Variants in ACTMAP observed in about 807,000 individuals in gnomAD.
ACTMAP encodes actin maturation protease, also known as UPF0692 protein C19orf54.
At chr19:40,748,671 G>A in the ACTMAP span, among the ~76,000 whole-genome samples, 2 of 152,222 alleles carry the variant, frequency 1.3e-5, no homozygotes, top group Admixed American at 1.3e-4. Context: ...TGCGTGGGCT[G>A]GCTCTGCCGC....
chr19:40,745,329 C>G, the ACTMAP span: 1 of 865,994 alleles, frequency 1.2e-6, no homozygotes, highest in Non-Finnish European at 1.8e-6. Context: ...AGGCTGAAGG[C>G]GGCTCCTGGT....
At chr19:40,742,818 AG>A in the ACTMAP span, 1 of 1,526,020 alleles carries the variant, frequency 6.6e-7, no homozygotes. Context: ...AGCCAGGACC[AG>A]GTGCTGGGGC....
the ACTMAP span, chr19:40,743,966 C>T: frequency 6.2e-7 from 1 of 1,614,046 alleles, no homozygotes; most frequent in Non-Finnish European, 8.5e-7. Flanking sequence ...GGTTGAAGTC[C>T]TCGTCGTAGC....
chr19:40,742,501 C>T, the ACTMAP span: 73 of 1,517,288 alleles, frequency 4.8e-5, no homozygotes, highest in African/African-American at 3.7e-4. Context: ...ACCCCACCCA[C>T]GGGCACCACG....
At chr19:40,749,639 C>T in the ACTMAP span, 5 of 1,547,740 alleles carry the variant, frequency 3.2e-6, no homozygotes, top group Admixed American at 2.0e-5. Context: ...GCAGTGGGAG[C>T]GGTGGGGGAA....
chr19:40,744,730 T>C, the ACTMAP span: 1 of 1,553,524 alleles, frequency 6.4e-7, no homozygotes, highest in Non-Finnish European at 8.7e-7. Context: ...CACAGCCCCC[T>C]TACCTGGAAG....
At chr19:40,745,228 G>A in the ACTMAP span, 6 of 1,551,254 alleles carry the variant, frequency 3.9e-6, no homozygotes, top group Non-Finnish European at 5.2e-6. Context: ...AGTCACCAGG[G>A]AGCCAGCTCT....
chr19:40,749,749 G>T, the ACTMAP span: 5 of 1,489,158 alleles, frequency 3.4e-6, no homozygotes, highest in Non-Finnish European at 4.5e-6. Context: ...TGGGGTACAG[G>T]GGTTTTTGGA....
the ACTMAP span, among the ~76,000 whole-genome samples, chr19:40,745,896 T>G: frequency 6.6e-6 from 1 of 152,218 alleles, no homozygotes; most frequent in Non-Finnish European, 1.5e-5. Flanking sequence ...GGTCTCGAAT[T>G]CCTGACCTCA....
chr19:40,743,855 G>C, the ACTMAP span: 11 of 1,596,488 alleles, frequency 6.9e-6, no homozygotes, highest in Admixed American at 1.7e-5. Flanking sequence ...GATTAATGGA[G>C]GCCGGGGAGA....
chr19:40,745,840 T>C, the ACTMAP span, among the ~76,000 whole-genome samples: 1 of 150,894 alleles, frequency 6.6e-6, no homozygotes. Context: ...GCCCAGCTAA[T>C]TTTGTATTTT....
chr19:40,742,705 G>A, the ACTMAP span: 1 of 1,612,714 alleles, frequency 6.2e-7, no homozygotes, highest in African/African-American at 1.3e-5. Context: ...GGGTGGAACA[G>A]GCCCGGCAGC....
chr19:40,745,663 CT>C, the ACTMAP span, among the ~76,000 whole-genome samples: 1 of 152,060 alleles, frequency 6.6e-6, no homozygotes, highest in Admixed American at 6.6e-5. Flanking sequence ...CCATGTCCAG[CT>C]AGTTCTTTTT....
At chr19:40,743,032 G>A in the ACTMAP span, among the ~76,000 whole-genome samples, 5 of 152,216 alleles carry the variant, frequency 3.3e-5, no homozygotes, top group South Asian at 8.3e-4. Flanking sequence ...AGCAAATGCC[G>A]TCACCCGGTC....
At chr19:40,742,563 T>C in the ACTMAP span, 1 of 1,602,188 alleles carries the variant, frequency 6.2e-7, no homozygotes, top group Non-Finnish European at 8.5e-7. Flanking sequence ...CAGCTGCAGG[T>C]TGCTCTCCCG....
the ACTMAP span, chr19:40,744,574 C>T: frequency 6.2e-7 from 1 of 1,613,710 alleles, no homozygotes; most frequent in Non-Finnish European, 8.5e-7. Flanking sequence ...AACATCTCTC[C>T]CTGGGCCGTG....
the ACTMAP span, chr19:40,741,118 C>T: frequency 2.5e-6 from 1 of 398,906 alleles, no homozygotes. Context: ...GGTGGACACG[C>T]ATCCTCTTTA....
the ACTMAP span, chr19:40,741,893 G>A: frequency 6.6e-6 from 3 of 454,028 alleles, no homozygotes; most frequent in East Asian, 1.4e-4. Context: ...GGGGAGGGGT[G>A]TCTTGACTGG....
chr19:40,746,263 C>T, the ACTMAP span, among the ~76,000 whole-genome samples: 323 of 152,016 alleles, frequency 2.1e-3, 3 homozygotes, highest in African/African-American at 7.2e-3. Context: ...CTTGTTGCTC[C>T]GGCTGGAGTG....
Sources: allele counts gnomAD v4.1 joint callset (sites outside exome capture counted in the v4.1 genomes callset), GRCh38; gene constraint gnomAD v4.1.1; transcripts MANE v1.5; gene names NCBI Gene and HGNC (gene_info 2026-07-23, HGNC 2026-07-21).